FBXL7: variants seen among roughly 807,000 people sequenced by gnomAD.
FBXL7 encodes F-box and leucine rich repeat protein 7, also known as F-box/LRR-repeat protein 7.
In FBXL7, 12 loss-of-function variants were observed where a neutral mutation model predicts 38.3. The ratio of observed to expected loss-of-function variants is 0.31; its 90% CI spans 0.20 to 0.51. The LOEUF (loss-of-function observed/expected upper bound fraction) is 0.51, where lower values mean the gene tolerates loss of function less well. FBXL7 is among the 20% of genes least tolerant of loss of function. The pLI is 0.98. For synonymous variants in FBXL7, 297 were observed against 300.9 expected (o/e 0.99, Z 0.13); for missense variants, 567 against 676.4 (o/e 0.84, Z 1.79).
intron 2 of FBXL7, among the ~76,000 whole-genome samples, chr5:15,913,158 T>C (rs1741484683): frequency 6.6e-6 from 1 of 152,160 alleles, no homozygotes; most frequent in Admixed American, 6.5e-5. Flanking sequence ...CTTAGTGCCT[T>C]GGATATAGTA....
chr5:15,710,844 C>T (rs940479143), intron 2 of FBXL7, among the ~76,000 whole-genome samples: 1 of 152,182 alleles, frequency 6.6e-6, no homozygotes, highest in African/African-American at 2.4e-5. Context: ...TTGAGCTTCT[C>T]TCTCTCTAAA....
chr5:15,731,434 A>G (rs1339295346), intron 2 of FBXL7, among the ~76,000 whole-genome samples: 3 of 152,162 alleles, frequency 2.0e-5, no homozygotes, highest in Admixed American at 1.3e-4. Context: ...CAGGAACAGC[A>G]TGGGAAAGAC....
intron 2 of FBXL7, among the ~76,000 whole-genome samples, chr5:15,621,609 T>C (rs1740644060): frequency 6.6e-6 from 1 of 152,168 alleles, no homozygotes; most frequent in South Asian, 2.1e-4. Flanking sequence ...GCTTCTTTCA[T>C]AGAACTGAAA....
chr5:15,596,917 C>A (rs553458924), intron 1 of FBXL7, among the ~76,000 whole-genome samples: 2 of 152,254 alleles, frequency 1.3e-5, no homozygotes, highest in East Asian at 3.9e-4. Context: ...TTTGCAATAT[C>A]CTTTATAGTA....
chr5:15,800,603 A>G (rs1467878277), intron 2 of FBXL7, among the ~76,000 whole-genome samples: 4 of 152,204 alleles, frequency 2.6e-5, no homozygotes, highest in African/African-American at 9.6e-5. Flanking sequence ...AAAGGCAGGT[A>G]TTTTATCTTT....
At chr5:15,727,926 T>G (rs1462281090) in intron 2 of FBXL7, among the ~76,000 whole-genome samples, 3 of 152,172 alleles carry the variant, frequency 2.0e-5, no homozygotes, top group Admixed American at 2.0e-4. Flanking sequence ...GTTGCTGTTA[T>G]GGTTGTTCCT....
intron 1 of FBXL7, among the ~76,000 whole-genome samples, chr5:15,529,150 TGTAA>T (rs1450945078): frequency 1.3e-5 from 2 of 152,206 alleles, no homozygotes; most frequent in Non-Finnish European, 2.9e-5. Flanking sequence ...AGATTCCACA[TGTAA>T]GTGAGATCAT....
At chr5:15,678,674 A>G (rs974019258) in intron 2 of FBXL7, among the ~76,000 whole-genome samples, 18 of 152,134 alleles carry the variant, frequency 1.2e-4, no homozygotes, top group Admixed American at 7.2e-4. Context: ...TTTCCCCCAT[A>G]CTGTTCTCAT....
At chr5:15,731,641 G>A (rs1030414831) in intron 2 of FBXL7, among the ~76,000 whole-genome samples, 1 of 152,198 alleles carries the variant, frequency 6.6e-6, no homozygotes, top group African/African-American at 2.4e-5. Context: ...ACTTAGGTAA[G>A]TCCATGCAGA....
rs910432770 is a variant in FBXL7, at chr5:15,939,356, G to A, written c.*2170G>A. 2 of 279,020 alleles carry A rather than the reference G, an allele frequency of 7.2e-6. No homozygotes were observed. Among genetic ancestry groups the A allele is most frequent in the Non-Finnish European group, 1.3e-5 (2 of 150,754 alleles). 17.3% of individuals were successfully genotyped at this position (279,020 alleles called of 1,614,324 possible). A position where few individuals can be genotyped will look rare whatever the true frequency, so the allele number is the denominator to read the frequency against. ...GGATTGTCCCTAATCCTTGGCCCTG[G>A]GGTCTTCCGAGTGAGCTGGTTTAAT... is the stretch of plus-strand genomic sequence containing the variant. On this transcript the variant is annotated 3_prime_UTR_variant, in exon 4 of 4. Transcript: ENST00000504595.
At chr5:15,898,796 G>GT (rs765511098) in intron 2 of FBXL7, among the ~76,000 whole-genome samples, 6 of 152,154 alleles carry the variant, frequency 3.9e-5, no homozygotes, top group Non-Finnish European at 7.3e-5. Context: ...TACCACATGC[G>GT]TTTGCAGCGC....
intron 2 of FBXL7, among the ~76,000 whole-genome samples, chr5:15,851,177 C>G (rs1229075278): frequency 6.6e-6 from 1 of 152,180 alleles, no homozygotes; most frequent in African/African-American, 2.4e-5. Context: ...CACAATCACT[C>G]CTTTTATTTG....
intron 1 of FBXL7, among the ~76,000 whole-genome samples, chr5:15,562,660 C>A (rs1738446866): frequency 6.6e-6 from 1 of 151,930 alleles, no homozygotes; most frequent in African/African-American, 2.4e-5. Context: ...ATATCTCTCT[C>A]CCTCAGTTTC....
chr5:15,525,290 A>G (rs900996449), intron 1 of FBXL7, among the ~76,000 whole-genome samples: 1 of 152,174 alleles, frequency 6.6e-6, no homozygotes, highest in East Asian at 1.9e-4. Context: ...TTTCTCTTGG[A>G]CAATACTGGG....
intron 3 of FBXL7, chr5:15,935,288 G>C: frequency 1.9e-6 from 1 of 528,870 alleles, no homozygotes; most frequent in Non-Finnish European, 3.9e-6. Context: ...CGTTTTCCAA[G>C]ACACCTCGGG....
intron 2 of FBXL7, among the ~76,000 whole-genome samples, chr5:15,673,956 G>A (rs910958111): frequency 2.0e-5 from 3 of 152,174 alleles, no homozygotes; most frequent in Non-Finnish European, 4.4e-5. Context: ...AAGTGAGAAC[G>A]TGCGTTTGGA....
rs1379410119 is a variant in FBXL7 at position 15,621,707 on chromosome 5, G to T, written c.127+5635G>T. 3.3e-5 allele frequency among the ~76,000 whole-genome samples: 5 copies of T among 152,166 alleles called. No homozygotes were observed. In the East Asian group the frequency reaches 9.6e-4, roughly 29 times the overall value. On this transcript the variant is annotated intron_variant, in intron 2 of 3. Coordinates refer to ENST00000504595, the MANE Select transcript of FBXL7 (RefSeq NM_012304.5). ...AACTGTCAGTTTAAAGGTCAAATTT[G>T]ATTGGCTGATAAAGAGTCAGCTTTG...
intron 2 of FBXL7, among the ~76,000 whole-genome samples, chr5:15,714,883 C>T (rs184070852): frequency 5.4e-5 from 8 of 147,490 alleles, no homozygotes; most frequent in Non-Finnish European, 1.0e-4. Flanking sequence ...GCAGGAGTGT[C>T]GGAATCATAG....
intron 2 of FBXL7, among the ~76,000 whole-genome samples, chr5:15,812,460 C>T (rs550217393): frequency 5.7e-4 from 87 of 152,074 alleles, no homozygotes; most frequent in African/African-American, 2.0e-3. Context: ...ACCTATGAAA[C>T]GAACCTGCGC....
Sources: allele counts gnomAD v4.1 joint callset (sites outside exome capture counted in the v4.1 genomes callset), GRCh38; gene constraint gnomAD v4.1.1; transcripts MANE v1.5; gene names NCBI Gene and HGNC (gene_info 2026-07-23, HGNC 2026-07-21).